Variants in MSH3 observed in about 807,000 individuals in gnomAD.
MSH3 encodes the protein DNA mismatch repair protein Msh3.
MSH3 carries 106 observed loss-of-function variants against 123.3 expected under a neutral mutation model. That is an observed-to-expected ratio of 0.86 (90% CI 0.73 to 1.01). The LOEUF is 1.01. Among genes scored for constraint, MSH3 ranks in the 50% least tolerant of loss-of-function variants. The pLI is 0.00. For synonymous variants in MSH3, 515 were observed against 481.4 expected (o/e 1.07, Z -0.91); for missense variants, 1,459 against 1,347.6 (o/e 1.08, Z -1.29).
At chr5:80,679,241 AAAC>A in intron 8 of MSH3, 148 bp downstream of exon 8, 1 of 878,462 alleles carries the variant, frequency 1.1e-6, no homozygotes, top group South Asian at 1.6e-5. Flanking sequence ...AAAAAAAGTA[AAAC>A]AACAAAGCTG....
intron 12 of MSH3, among the ~76,000 whole-genome samples, chr5:80,753,625 C>T (rs762513089): frequency 2.0e-5 from 3 of 152,136 alleles, no homozygotes; most frequent in Non-Finnish European, 4.4e-5. Context: ...GGGAAGCTAG[C>T]TGTTAACACA....
intron 10 of MSH3, among the ~76,000 whole-genome samples, chr5:80,734,729 A>G (rs552629127): frequency 2.0e-5 from 3 of 152,190 alleles, no homozygotes; most frequent in Non-Finnish European, 4.4e-5. Context: ...GAGGACTGGT[A>G]CTTGGCCAAG....
chr5:80,761,426 G>A (rs1481959876), intron 12 of MSH3, 120 bp from the exon 13 acceptor site: 1 of 1,200,690 alleles, frequency 8.3e-7, no homozygotes, highest in African/African-American at 1.5e-5. Flanking sequence ...TCAGTATGAA[G>A]GAGGAGTTTC....
chr5:80,724,767 CAAAT>C (rs1491002469), intron 8 of MSH3, among the ~76,000 whole-genome samples: 1 of 152,132 alleles, frequency 6.6e-6, no homozygotes, highest in African/African-American at 2.4e-5. Flanking sequence ...ATTATTTAAA[CAAAT>C]AACGTAATCA....
At chr5:80,693,598 AACAT>A (rs58033016) in intron 8 of MSH3, among the ~76,000 whole-genome samples, 66,636 of 146,768 alleles carry the variant, frequency 0.45, 15,463 homozygotes, top group East Asian at 0.63. Flanking sequence ...AATATATATA[AACAT>A]ACATATATAC....
chr5:80,670,051 A>T (rs375209997), intron 3 of MSH3, 46 bp from the exon 4 acceptor site: 3 of 1,559,254 alleles, frequency 1.9e-6, no homozygotes, highest in Non-Finnish European at 2.6e-6. Context: ...GGAACTTATT[A>T]TTGTGGTTAA....
chr5:80,738,037 TA>T (rs1354650354), intron 10 of MSH3, among the ~76,000 whole-genome samples: 1 of 152,054 alleles, frequency 6.6e-6, no homozygotes, highest in Non-Finnish European at 1.5e-5. Context: ...ACCAACCAAA[TA>T]AAAAACCACA....
chr5:80,695,020 A>G (rs1750437667), intron 8 of MSH3, among the ~76,000 whole-genome samples: 2 of 150,086 alleles, frequency 1.3e-5, no homozygotes, highest in Non-Finnish European at 3.0e-5. Context: ...TCTCTTGCCA[A>G]ATTTGTGAAT....
At chr5:80,846,326 T>A (rs1007111627) in intron 20 of MSH3, among the ~76,000 whole-genome samples, 7 of 151,832 alleles carry the variant, frequency 4.6e-5, no homozygotes, top group African/African-American at 1.7e-4. Context: ...CGGTCCCTAC[T>A]GGGAGGTGTC....
chr5:80,842,472 G>A lies in MSH3; in HGVS notation c.2814-11658G>A, dbSNP rs186849686. 2.4e-3 allele frequency among the ~76,000 whole-genome samples: 371 copies of A among 152,218 alleles called. 4 individuals carry two copies. The highest frequency in any genetic ancestry group is 8.5e-3 in the African/African-American group (354 of 41,514). ...CAGTGGTAGCTTGATGTGGGAGATA[G>A]CACTGAATCTATAAATTACCTTGGG... On this transcript the variant is annotated intron_variant, in intron 20 of 23. Transcript: ENST00000265081.
Position 80,674,993 on chromosome 5 carries a change from C to T in MSH3, c.1038C>T (p.Pro346=). The part of the protein sequence containing the change: ...KSTLIGEDVN[P]LIKLDDAVNV... The stretch of plus-strand genomic sequence containing the variant: ...TTTAATTATTATTAAATGTGAATCC[C>T]CTAATCAAGCTGGATGATGCTGTAA... Residue 346 remains proline, a synonymous_variant, in exon 7 of 24, where the codon CCC becomes CCT. Transcript: ENST00000265081. 1 of 1,605,636 alleles carries T rather than the reference C, an allele frequency of 6.2e-7. No individual in the cohort carries two copies. Among genetic ancestry groups the T allele is most frequent in the Non-Finnish European group, 8.5e-7 (1 of 1,173,426 alleles).
intron 19 of MSH3, among the ~76,000 whole-genome samples, chr5:80,810,172 CATATAT>C (rs113702568): frequency 1.2e-4 from 15 of 121,590 alleles, no homozygotes; most frequent in South Asian, 6.1e-4. Context: ...GTTTGACATA[CATATAT>C]ATATATATAT....
At position 80,744,557 on chromosome 5, in the gene MSH3, A is replaced by G. The variant is rs772419130; in HGVS notation, c.1705A>G (p.Thr569Ala). The part of the protein sequence containing the change: ...SLLWVLDHTK[T>A]SFGRRKLKKW... ...GCTGTGGGTTTTAGACCACACTAAA[A>G]CTTCATTTGGGAGACGGAAGTTAAA... Residue 569 changes from threonine to alanine, a missense_variant, in exon 12 of 24, where the codon ACT (threonine) becomes GCT (alanine). Thr to Ala is a moderately conservative substitution (Grantham distance 58). Coordinates refer to ENST00000265081, the MANE Select transcript of MSH3 (RefSeq NM_002439.5). 6.2e-7 allele frequency: 1 copy of G among 1,613,972 alleles called. No homozygotes were observed. The highest frequency in any genetic ancestry group is 1.1e-5 in the South Asian group (1 of 91,038).
intron 8 of MSH3, among the ~76,000 whole-genome samples, chr5:80,705,889 A>G (rs1293825651): frequency 1.3e-5 from 2 of 152,170 alleles, no homozygotes; most frequent in South Asian, 2.1e-4. Context: ...CAAAGACCCT[A>G]TCTTCAAATA....
intron 8 of MSH3, among the ~76,000 whole-genome samples, chr5:80,698,761 T>C (rs542375523): frequency 4.6e-4 from 69 of 149,118 alleles, no homozygotes; most frequent in African/African-American, 1.6e-3. Flanking sequence ...ATGAGAACAC[T>C]TGGACACAGG....
chr5:80,869,841 T>TATACACACAC (rs376147429), intron 22 of MSH3, among the ~76,000 whole-genome samples: 16 of 132,532 alleles, frequency 1.2e-4, no homozygotes, highest in African/African-American at 1.4e-4. Context: ...TACATATATA[T>TATACACACAC]ACACACACAC....
At chr5:80,765,112 C>T (rs144067807) in intron 13 of MSH3, among the ~76,000 whole-genome samples, 8 of 152,296 alleles carry the variant, frequency 5.3e-5, no homozygotes, top group African/African-American at 1.9e-4. Flanking sequence ...GCTTAAGAAA[C>T]TTGAGAACAA....
At chr5:80,699,351 G>A (rs1026937382) in intron 8 of MSH3, among the ~76,000 whole-genome samples, 23 of 152,018 alleles carry the variant, frequency 1.5e-4, no homozygotes, top group African/African-American at 5.3e-4. Context: ...CTGAGGTCAG[G>A]AGTTCCAGAC....
intron 21 of MSH3, 97 bp downstream of exon 21, chr5:80,854,413 G>A (rs1182824564): frequency 7.3e-6 from 8 of 1,091,390 alleles, no homozygotes; most frequent in African/African-American, 1.6e-5. Context: ...GGGGTACAAT[G>A]TGATGTTTTG....
Sources: allele counts gnomAD v4.1 joint callset (sites outside exome capture counted in the v4.1 genomes callset), GRCh38; gene constraint gnomAD v4.1.1; transcripts MANE v1.5; gene names NCBI Gene and HGNC (gene_info 2026-07-23, HGNC 2026-07-21).